Variants in TMEM132D observed in about 807,000 individuals in gnomAD.
TMEM132D encodes the protein transmembrane protein 132D, also known as mature OL transmembrane protein.
TMEM132D carries 21 observed loss-of-function variants against 62.3 expected under a neutral mutation model. The observed-to-expected ratio is 0.34, with a 90% confidence interval of 0.24 to 0.49. TMEM132D has a LOEUF of 0.49. Ranked by LOEUF, TMEM132D falls within the 20% of genes least tolerant of loss-of-function variation. The pLI is 0.99. For synonymous variants in TMEM132D, 621 were observed against 575.6 expected, an observed-to-expected ratio of 1.08 and a Z score of -1.13; for missense variants, 1,346 against 1,402.8, an observed-to-expected ratio of 0.96 and a Z score of 0.65.
At chr12:129,709,325 T>C (rs1881584228) in intron 1 of TMEM132D, among the ~76,000 whole-genome samples, 2 of 152,188 alleles carry the variant, frequency 1.3e-5, no homozygotes, top group Admixed American at 1.3e-4. Context: ...GAATGTTGAG[T>C]GCAGTGCCAG....
At chr12:129,613,791 AACCCAGAGGACTGTCTGCAGAACCCAGG>A in intron 2 of TMEM132D, among the ~76,000 whole-genome samples, 1 of 151,182 alleles carries the variant, frequency 6.6e-6, no homozygotes, top group South Asian at 2.4e-4. Flanking sequence ...CTGTCTCCAG[AACCCAGAGGACTGTCTGCAGAACCCAGG>A]GGACTGTCTG....
chr12:129,400,718 T>C (rs1402419121), intron 3 of TMEM132D, among the ~76,000 whole-genome samples: 2 of 152,212 alleles, frequency 1.3e-5, no homozygotes, highest in Non-Finnish European at 2.9e-5. Context: ...AGTTGTAAAA[T>C]TTATACTTTC....
At chr12:129,448,023 G>A (rs1037076585) in intron 3 of TMEM132D, among the ~76,000 whole-genome samples, 6 of 152,126 alleles carry the variant, frequency 3.9e-5, no homozygotes, top group African/African-American at 9.7e-5. Context: ...CGTTTTCAGC[G>A]TAGTGCTTGG....
intron 4 of TMEM132D, among the ~76,000 whole-genome samples, chr12:129,326,616 C>T (rs1284577562): frequency 6.6e-6 from 1 of 152,198 alleles, no homozygotes; most frequent in East Asian, 1.9e-4. Context: ...AATCGTTGCA[C>T]AGAGACCATG....
intron 1 of TMEM132D, among the ~76,000 whole-genome samples, chr12:129,743,358 C>T (rs543363508): frequency 3.3e-4 from 51 of 152,322 alleles, no homozygotes; most frequent in African/African-American, 1.1e-3. Context: ...CCCCATGCTG[C>T]TGTTCGCACG....
intron 5 of TMEM132D, among the ~76,000 whole-genome samples, chr12:129,144,690 T>C (rs1479598061): frequency 3.8e-5 from 3 of 77,968 alleles, no homozygotes; most frequent in Admixed American, 1.3e-4. Context: ...ATCTATCATC[T>C]ATCTATCTAT....
intron 2 of TMEM132D, among the ~76,000 whole-genome samples, chr12:129,668,544 G>A (rs186054836): frequency 8.2e-4 from 125 of 152,122 alleles, no homozygotes; most frequent in African/African-American, 2.8e-3. Flanking sequence ...CTCATGGAGA[G>A]CTAACGTGTT....
chr12:129,743,703 T>C (rs989834923), intron 1 of TMEM132D, among the ~76,000 whole-genome samples: 1 of 152,106 alleles, frequency 6.6e-6, no homozygotes, highest in Non-Finnish European at 1.5e-5. Flanking sequence ...GCAGGTATGA[T>C]TAAGTTAGGG....
intron 4 of TMEM132D, among the ~76,000 whole-genome samples, chr12:129,270,780 G>A (rs1880832572): frequency 6.6e-6 from 1 of 152,208 alleles, no homozygotes; most frequent in Admixed American, 6.5e-5. Context: ...TTAACAAAAG[G>A]CTGTGGTGCT....
chr12:129,561,686 A>AT (rs1248970193), intron 2 of TMEM132D, among the ~76,000 whole-genome samples: 76 of 152,338 alleles, frequency 5.0e-4, no homozygotes, highest in Admixed American at 2.6e-4. Context: ...ATGAAAGAAG[A>AT]TTAAAATTAA....
chr12:129,659,180 CA>C lies in TMEM132D; in HGVS notation c.968+40629del, dbSNP rs531952771. Among the ~76,000 whole-genome samples the C allele has an allele frequency of 1.8e-4, 27 of 152,238 alleles. 2 individuals carry two copies. The South Asian group carries it at 5.2e-3, about 29-fold the overall frequency. Reference sequence around the variant, plus strand: ...GTGGGTCATCCTCCACCAGCTGCCCCAGATGATGCCACCTGGAGTCAAGATG... The same window carrying C: ...GTGGGTCATCCTCCACCAGCTGCCCCGATGATGCCACCTGGAGTCAAGATG... On this transcript the variant is annotated intron_variant, in intron 2 of 8. Transcript: ENST00000422113.
chr12:129,212,834 C>A (rs1329379537), intron 4 of TMEM132D, among the ~76,000 whole-genome samples: 2 of 110,580 alleles, frequency 1.8e-5, no homozygotes, highest in Admixed American at 9.7e-5. Flanking sequence ...CTGGATGTGG[C>A]ACTGAGAAGG....
chr12:129,093,569 T>C (rs1221438466), intron 5 of TMEM132D, among the ~76,000 whole-genome samples: 2 of 152,332 alleles, frequency 1.3e-5, no homozygotes, highest in Non-Finnish European at 1.5e-5. Context: ...CCCATGCTCA[T>C]GGGTAGGAAG....
At position 129,438,080 on chromosome 12, in the gene TMEM132D, A is replaced by G. The variant is rs1469840437; in HGVS notation, c.1115+92979T>C. Reference sequence around the variant, plus strand: ...TAAGGACATGAACTTATCCTTTTTTATGGCTGCATAGTATTCCATGGTGAA... The same window carrying G: ...TAAGGACATGAACTTATCCTTTTTTGTGGCTGCATAGTATTCCATGGTGAA... On this transcript the variant is annotated intron_variant, in intron 3 of 8. Coordinates refer to ENST00000422113, the MANE Select transcript of TMEM132D (RefSeq NM_133448.3). Among the ~76,000 whole-genome samples the G allele has an allele frequency of 2.6e-5, 4 of 152,040 alleles. No individual in the cohort carries two copies. In the East Asian group the frequency reaches 7.7e-4, roughly 29 times the overall value.
chr12:129,863,505 TATA>T (rs767813668), intron 1 of TMEM132D, among the ~76,000 whole-genome samples: 3 of 152,216 alleles, frequency 2.0e-5, no homozygotes, highest in Non-Finnish European at 4.4e-5. Context: ...TTTTCTACCT[TATA>T]ATGATGCTTT....
chr12:129,119,538 A>G lies in TMEM132D; in HGVS notation c.1444-34836T>C, dbSNP rs185435257. On this transcript the variant is annotated intron_variant, in intron 5 of 8. Coordinates refer to ENST00000422113, the MANE Select transcript of TMEM132D (RefSeq NM_133448.3). ...ATGGTGTTTCTTGACCAGGCTTTAT[A>G]CAAAGAGACTTAGTTGCCAAACCTG... is the stretch of plus-strand genomic sequence containing the variant. Among the ~76,000 whole-genome samples, 337 of 152,360 alleles carry G rather than the reference A, an allele frequency of 2.2e-3. 2 individuals carry two copies. The highest frequency in any genetic ancestry group is 7.5e-3 in the African/African-American group (313 of 41,590).
intron 5 of TMEM132D, among the ~76,000 whole-genome samples, chr12:129,086,197 C>CGTGTGT (rs781758085): frequency 7.6e-4 from 56 of 73,572 alleles, no homozygotes; most frequent in African/African-American, 2.5e-3. Flanking sequence ...TAGTCACGCG[C>CGTGTGT]GCGCGTGTGT....
Position 129,337,649 on chromosome 12 carries a change from A to C in TMEM132D, c.1284T>G (p.Val428=), listed in dbSNP as rs1352883958. The C allele has an allele frequency of 6.2e-7, 1 of 1,613,918 alleles. No individual in the cohort carries two copies. Among genetic ancestry groups the C allele is most frequent in the Non-Finnish European group, 8.5e-7 (1 of 1,179,972 alleles). ...GCTTGCTTACCATAGCCAGCGGCAC[A>C]ACTCCAATCAAGTCCTTTGGGCTCA... The part of the protein sequence containing the change: ...IYVSPKDLIG[V]VPLAMEAEIL... The change falls in exon 4 of 9, where the codon GTT becomes GTG. Residue 428 remains valine (V), a synonymous_variant. Transcript: ENST00000422113.
intron 3 of TMEM132D, among the ~76,000 whole-genome samples, chr12:129,483,732 G>A (rs956418614): frequency 1.6e-4 from 25 of 152,146 alleles, no homozygotes; most frequent in Non-Finnish European, 1.6e-4. Context: ...TCGTGGTGAC[G>A]CAAATGTCAG....
Sources: gnomAD v4.1 joint callset for allele counts (sites outside exome capture counted in the v4.1 genomes callset) on GRCh38, gnomAD v4.1.1 for gene constraint, MANE v1.5 for transcripts, NCBI Gene and HGNC (gene_info 2026-07-23, HGNC 2026-07-21) for gene names.